Variants in SFMBT1 observed in about 807,000 individuals in gnomAD.
The protein encoded by SFMBT1 is Scm like with four mbt domains 1, also known as scm-like with four MBT domains protein 1.
A neutral mutation model predicts 108.7 loss-of-function variants in SFMBT1; 32 were observed. That is an observed-to-expected ratio of 0.29 (90% CI 0.22 to 0.40). The LOEUF is 0.40. Ranked by LOEUF, SFMBT1 falls within the 10% of genes least tolerant of loss-of-function variation. The probability of loss-of-function intolerance (pLI) is 1.00; values close to 1 mark genes in which losing one functional copy is unlikely to be tolerated. For synonymous variants in SFMBT1, 348 were observed against 369.5 expected, an observed-to-expected ratio of 0.94 and a Z score of 0.67; for missense variants, 816 against 1,059.6, an observed-to-expected ratio of 0.77 and a Z score of 3.19.
chr3:52,986,145 G>GAA lies in SFMBT1; in HGVS notation c.-130-16889_-130-16888dup, dbSNP rs34923532. On this transcript the variant is annotated intron_variant, in intron 1 of 20. Coordinates refer to ENST00000394752, the MANE Select transcript of SFMBT1 (RefSeq NM_016329.4). The stretch of plus-strand genomic sequence containing the variant: ...GAGACAGAGTGAGACTCCGTCTCAG[G>GAA]AAAAAAAAAAAAAAAAAGATAAAAA... Among the ~76,000 whole-genome samples the GAA allele has an allele frequency of 9.1e-4, 118 of 130,184 alleles. 1 individual carries two copies. The highest frequency in any genetic ancestry group is 1.5e-3 in the African/African-American group (53 of 34,214). The allele number at this position is 130,184 out of a possible 152,430, so 85.4% of individuals were successfully genotyped here. A position where few individuals can be genotyped will look rare whatever the true frequency, so the allele number is the denominator to read the frequency against.
chr3:52,982,785 T>C (rs1373267978), intron 1 of SFMBT1, among the ~76,000 whole-genome samples: 1 of 133,452 alleles, frequency 7.5e-6, no homozygotes, highest in African/African-American at 2.9e-5. Context: ...CAAGAGCTAA[T>C]AGATAGCACA....
chr3:53,014,962 G>A (rs1414435883), intron 1 of SFMBT1, among the ~76,000 whole-genome samples: 4 of 152,218 alleles, frequency 2.6e-5, no homozygotes, highest in Non-Finnish European at 1.5e-5. Context: ...GCTCATGCCT[G>A]TAATCCCAGC....
At chr3:53,034,727 A>G (rs2106964392) in intron 1 of SFMBT1, among the ~76,000 whole-genome samples, 1 of 152,124 alleles carries the variant, frequency 6.6e-6, no homozygotes, top group Admixed American at 6.5e-5. Flanking sequence ...ACTTGAGATC[A>G]CGAGTTCGAG....
intron 1 of SFMBT1, among the ~76,000 whole-genome samples, chr3:52,975,796 T>C (rs140869745): frequency 1.9e-3 from 293 of 152,214 alleles, no homozygotes; most frequent in African/African-American, 6.9e-3. Context: ...GAGACAGGGT[T>C]TCACCATGTT....
chr3:52,931,956 C>T (rs1702872815), intron 6 of SFMBT1, 106 bp downstream of exon 6: 5 of 1,294,956 alleles, frequency 3.9e-6, no homozygotes, highest in South Asian at 1.5e-5. Context: ...ATTATGAGAA[C>T]TAACAAAGGT....
chr3:52,929,246 T>C (rs1379768110), intron 8 of SFMBT1, among the ~76,000 whole-genome samples: 2 of 152,150 alleles, frequency 1.3e-5, no homozygotes, highest in African/African-American at 4.8e-5. Context: ...CTTTATTTAT[T>C]TATTTATTTA....
chr3:53,030,683 C>CAAAAAA (rs10668462), intron 1 of SFMBT1, among the ~76,000 whole-genome samples: 23 of 82,742 alleles, frequency 2.8e-4, no homozygotes, highest in African/African-American at 7.0e-4. Flanking sequence ...GGCCATAATG[C>CAAAAAA]AAAAAAAAAA....
At chr3:53,031,157 T>C (rs911387495) in intron 1 of SFMBT1, among the ~76,000 whole-genome samples, 2 of 152,220 alleles carry the variant, frequency 1.3e-5, no homozygotes, top group African/African-American at 4.8e-5. Context: ...ATTAAGTGCA[T>C]TGATTCCATT....
At chr3:53,032,410 G>A (rs1039284320) in intron 1 of SFMBT1, among the ~76,000 whole-genome samples, 2 of 152,072 alleles carry the variant, frequency 1.3e-5, no homozygotes, top group Admixed American at 1.3e-4. Context: ...CCTTGGGATG[G>A]ACAGAAGACC....
intron 1 of SFMBT1, among the ~76,000 whole-genome samples, chr3:52,971,830 C>T (rs930138974): frequency 5.3e-5 from 8 of 152,072 alleles, no homozygotes; most frequent in African/African-American, 1.9e-4. Flanking sequence ...TTCCAGGCAC[C>T]AAGAACAGCA....
chr3:52,929,663 A>G (rs1702799050), intron 8 of SFMBT1, among the ~76,000 whole-genome samples: 1 of 152,194 alleles, frequency 6.6e-6, no homozygotes, highest in Non-Finnish European at 1.5e-5. Flanking sequence ...ATCTTCTTCC[A>G]AGACAGGGAA....
chr3:52,947,541 G>A (rs1037001832), intron 3 of SFMBT1, among the ~76,000 whole-genome samples: 6 of 152,002 alleles, frequency 3.9e-5, no homozygotes, highest in Admixed American at 3.9e-4. Context: ...GATTTCTTTT[G>A]GGAAATGCTT....
At chr3:52,920,791 T>C (rs552903413) in intron 11 of SFMBT1, 141 bp from the exon 12 acceptor site, 760 of 593,564 alleles carry the variant, frequency 1.3e-3, no homozygotes, top group Non-Finnish European at 1.5e-3. Flanking sequence ...ACAGAAGTCA[T>C]ACATTTTCAT....
intron 1 of SFMBT1, among the ~76,000 whole-genome samples, chr3:52,996,206 CTTTTTTTTTT>C (rs35167235): frequency 1.1e-5 from 1 of 88,128 alleles, no homozygotes; most frequent in African/African-American, 4.6e-5. Context: ...ATAAACAATC[CTTTTTTTTTT>C]TTTTTTTTTT....
chr3:52,971,004 G>A (rs1295442095), intron 1 of SFMBT1, among the ~76,000 whole-genome samples: 2 of 152,136 alleles, frequency 1.3e-5, no homozygotes, highest in East Asian at 3.9e-4. Flanking sequence ...GTGTGGTAGT[G>A]CATGCCTGCA....
At chr3:53,021,992 A>G (rs1699322329) in intron 1 of SFMBT1, among the ~76,000 whole-genome samples, 2 of 152,176 alleles carry the variant, frequency 1.3e-5, no homozygotes, top group African/African-American at 4.8e-5. Context: ...ACCCCACCCA[A>G]TAAAGTTTCT....
intron 19 of SFMBT1, 110 bp downstream of exon 19, chr3:52,906,959 A>T: frequency 7.3e-7 from 1 of 1,362,400 alleles, no homozygotes; most frequent in Non-Finnish European, 9.8e-7. Flanking sequence ...TGGAAATTCT[A>T]CATAAGTCTG....
Position 52,943,356 on chromosome 3 carries a change from C to T in SFMBT1, c.361G>A (p.Glu121Lys), listed in dbSNP as rs763410426. ...EQNKKTLEAP[E>K]GIRDKVSDWD... ...TTGATAGGAAGTATTTCATTACCTTCTGGGGCTTCAAGGGTCTTCTTATTC... is the reference window on the plus strand; with the variant it reads ...TTGATAGGAAGTATTTCATTACCTTTTGGGGCTTCAAGGGTCTTCTTATTC... Residue 121 changes from glutamate (E) to lysine (K), a missense_variant, in exon 4 of 21, where the codon GAA becomes AAA. Physicochemically the swap from Glu to Lys is moderately conservative, Grantham distance 56. This residue lies in a region of SFMBT1 where 495 missense variants were observed against 607.4 expected (regional missense o/e 0.81). Transcript: ENST00000394752. 1 of 1,614,164 alleles carries T rather than the reference C, an allele frequency of 6.2e-7. No individual in the cohort carries two copies. Among genetic ancestry groups the T allele is most frequent in the East Asian group, 2.2e-5 (1 of 44,888 alleles).
At chr3:52,916,352 G>A (rs1702355474) in intron 13 of SFMBT1, 138 bp from the exon 14 acceptor site, 2 of 453,030 alleles carry the variant, frequency 4.4e-6, no homozygotes, top group Non-Finnish European at 7.6e-6. Flanking sequence ...CTCCCTTGAT[G>A]ATACTTTTTT....
Sources: allele counts gnomAD v4.1 joint callset (sites outside exome capture counted in the v4.1 genomes callset), GRCh38; gene constraint gnomAD v4.1.1; regional missense constraint gnomAD v4.1.1; transcripts MANE v1.5; gene names NCBI Gene and HGNC (gene_info 2026-07-23, HGNC 2026-07-21).